Variants in VPS13B observed in about 807,000 individuals in gnomAD.
The protein encoded by VPS13B is vacuolar protein sorting 13 homolog B, also known as intermembrane lipid transfer protein VPS13B.
A neutral mutation model predicts 426.4 loss-of-function variants in VPS13B; 285 were observed. The ratio of observed to expected loss-of-function variants is 0.67; its 90% CI spans 0.61 to 0.74. The LOEUF (loss-of-function observed/expected upper bound fraction) is 0.74, where lower values mean the gene tolerates loss of function less well. VPS13B is among the 30% of genes least tolerant of loss of function. The pLI is 0.00. For missense variants in VPS13B, 4,537 were observed against 4,782.6 expected, an observed-to-expected ratio of 0.95 and a Z score of 1.51; for synonymous variants, 1,676 against 1,676.4, an observed-to-expected ratio of 1.00 and a Z score of 0.01.
chr8:99,241,970 A>G (rs974110724), intron 17 of VPS13B, among the ~76,000 whole-genome samples: 3 of 151,988 alleles, frequency 2.0e-5, no homozygotes, highest in Non-Finnish European at 4.4e-5. Flanking sequence ...TTTTCCATAT[A>G]TAATTGGTTT....
chr8:99,351,031 A>G (rs1268968716), intron 19 of VPS13B, among the ~76,000 whole-genome samples: 2 of 152,128 alleles, frequency 1.3e-5, no homozygotes, highest in Non-Finnish European at 1.5e-5. Context: ...ATGGTAAACA[A>G]AAAATAAGAA....
chr8:99,782,352 T>C (rs1812063953), intron 42 of VPS13B, among the ~76,000 whole-genome samples: 1 of 152,106 alleles, frequency 6.6e-6, no homozygotes, highest in African/African-American at 2.4e-5. Flanking sequence ...AAAGACGTGG[T>C]TGCTGCCCTT....
At chr8:99,805,407 T>C (rs1813350864) in intron 43 of VPS13B, among the ~76,000 whole-genome samples, 1 of 152,190 alleles carries the variant, frequency 6.6e-6, no homozygotes, top group Non-Finnish European at 1.5e-5. Context: ...AGTTTAACAT[T>C]TTTTATTTAA....
chr8:99,633,806 GGTGTGTGT>G lies in VPS13B; in HGVS notation c.5221-7979_5221-7972del, dbSNP rs139474452. 7.1e-3 allele frequency among the ~76,000 whole-genome samples: 1,027 copies of G among 143,950 alleles called. 4 individuals carry two copies. The highest frequency in any genetic ancestry group is 0.011 in the Non-Finnish European group (730 of 65,988). 94.4% of individuals were successfully genotyped at this position (143,950 alleles called of 152,430 possible). On this transcript the variant is annotated intron_variant, in intron 33 of 61. Coordinates refer to ENST00000357162, the MANE Select transcript of VPS13B (RefSeq NM_152564.5). Reference sequence around the variant, plus strand: ...AGGTCCAAGTTGCCAGAATGTGTCAGGTGTGTGTGTGTGTGTGTGTGTGTGTGTGTGTG... The same window carrying G: ...AGGTCCAAGTTGCCAGAATGTGTCAGGTGTGTGTGTGTGTGTGTGTGTGTG...
intron 39 of VPS13B, among the ~76,000 whole-genome samples, chr8:99,738,182 C>G (rs1441408409): frequency 6.6e-6 from 1 of 152,236 alleles, no homozygotes; most frequent in Non-Finnish European, 1.5e-5. Context: ...GAAAATTATT[C>G]AGCGTTGCAG....
At chr8:99,781,901 A>G (rs1812040534) in intron 42 of VPS13B, among the ~76,000 whole-genome samples, 1 of 152,142 alleles carries the variant, frequency 6.6e-6, no homozygotes, top group South Asian at 2.1e-4. Context: ...GGAAAGAAAA[A>G]TGTTTACAAG....
At chr8:99,864,690 G>T (rs1588801123) in intron 58 of VPS13B, among the ~76,000 whole-genome samples, 2 of 152,214 alleles carry the variant, frequency 1.3e-5, no homozygotes, top group East Asian at 3.8e-4. Context: ...AAAGTTTAGA[G>T]TTGGCAAAGC....
chr8:99,176,022 A>G (rs963572490), intron 16 of VPS13B, among the ~76,000 whole-genome samples: 4 of 152,220 alleles, frequency 2.6e-5, no homozygotes, highest in African/African-American at 9.6e-5. Flanking sequence ...CCATGTGAGC[A>G]GTCCCTGAGC....
At chr8:99,132,177 G>T (rs139757737) in intron 8 of VPS13B, among the ~76,000 whole-genome samples, 1 of 152,150 alleles carries the variant, frequency 6.6e-6, no homozygotes, top group African/African-American at 2.4e-5. Context: ...CATTACAGGC[G>T]TGAGCCACTG....
chr8:99,875,356 A>C (rs1817648132), intron 61 of VPS13B, 62 bp from the exon 62 acceptor site: 3 of 1,611,136 alleles, frequency 1.9e-6, no homozygotes. Flanking sequence ...CAAAAGAACT[A>C]ATTTTGTTCT....
intron 22 of VPS13B, among the ~76,000 whole-genome samples, chr8:99,441,912 T>A (rs987838193): frequency 6.6e-6 from 1 of 152,276 alleles, no homozygotes; most frequent in Non-Finnish European, 1.5e-5. Flanking sequence ...ATAAACATGT[T>A]CTTTAATGGT....
chr8:99,247,976 T>A (rs1393710481), intron 17 of VPS13B, among the ~76,000 whole-genome samples: 1 of 152,180 alleles, frequency 6.6e-6, no homozygotes, highest in Admixed American at 6.5e-5. Context: ...TTACATACAC[T>A]GTTCCTAAGT....
chr8:99,246,322 A>G (rs868402191), intron 17 of VPS13B, among the ~76,000 whole-genome samples: 3 of 152,256 alleles, frequency 2.0e-5, no homozygotes, highest in Middle Eastern at 3.4e-3. Context: ...TTTTGTGTCA[A>G]TCTAATGTGG....
In VPS13B at chr8:99,238,032, T is replaced by A. The variant is rs187661910; in HGVS notation, c.2516-36166T>A. Among the ~76,000 whole-genome samples the A allele has an allele frequency of 8.5e-5, 13 of 152,212 alleles. No individual in the cohort carries two copies. In the East Asian group the frequency reaches 2.3e-3, roughly 27 times the overall value. ...CCTCTAGGCAGTCCCAGTTCCTTCCTTAGGTTTGTGGGTCGTGCTTTTCCA... is the reference window on the plus strand; with the variant it reads ...CCTCTAGGCAGTCCCAGTTCCTTCCATAGGTTTGTGGGTCGTGCTTTTCCA... On this transcript the variant is annotated intron_variant, in intron 17 of 61. Transcript: ENST00000357162.
chr8:99,633,375 C>T lies in VPS13B; in HGVS notation c.5221-8436C>T, dbSNP rs150292543. 1.8e-3 allele frequency among the ~76,000 whole-genome samples: 267 copies of T among 152,076 alleles called. 2 individuals carry two copies. Among genetic ancestry groups the T allele is most frequent in the African/African-American group, 6.2e-3 (256 of 41,536 alleles). ...AACTTTTCTGTGACTTACATATAGGCTCGGTAAACTTTCATCTGCTTCAGG... is the reference window on the plus strand; with the variant it reads ...AACTTTTCTGTGACTTACATATAGGTTCGGTAAACTTTCATCTGCTTCAGG... On this transcript the variant is annotated intron_variant, in intron 33 of 61. Coordinates refer to ENST00000357162, the MANE Select transcript of VPS13B (RefSeq NM_152564.5).
chr8:99,160,019 C>T (rs1234452302), intron 15 of VPS13B, among the ~76,000 whole-genome samples: 1 of 151,664 alleles, frequency 6.6e-6, no homozygotes, highest in Non-Finnish European at 1.5e-5. Flanking sequence ...TTATTGCACA[C>T]TTAATAGACT....
intron 21 of VPS13B, chr8:99,429,623 C>T (rs1311221710): frequency 1.3e-5 from 2 of 152,170 alleles, no homozygotes; most frequent in Non-Finnish European, 2.9e-5. Context: ...TTTGCTTTCT[C>T]TTGTACTATA....
chr8:99,163,683 G>T (rs1391159421), intron 15 of VPS13B, among the ~76,000 whole-genome samples: 1 of 152,236 alleles, frequency 6.6e-6, no homozygotes, highest in Non-Finnish European at 1.5e-5. Context: ...GGGCTGGCTG[G>T]CTGCTCTGAG....
chr8:99,017,659 A>T (rs986596583), intron 2 of VPS13B, among the ~76,000 whole-genome samples: 111 of 151,846 alleles, frequency 7.3e-4, no homozygotes, highest in African/African-American at 2.6e-3. Flanking sequence ...CGCCTGGCTA[A>T]CTTTTGTATT....
Sources: allele counts gnomAD v4.1 joint callset (sites outside exome capture counted in the v4.1 genomes callset), GRCh38; gene constraint gnomAD v4.1.1; transcripts MANE v1.5; gene names NCBI Gene and HGNC (gene_info 2026-07-23, HGNC 2026-07-21).